The following LAMA2 variants were observed in gnomAD, a reference collection of about 807,000 sequenced individuals.
The protein encoded by LAMA2 is laminin subunit alpha 2, also known as laminin subunit alpha-2.
Under a neutral mutation model 364.8 loss-of-function variants are expected in LAMA2, and 269 were observed. That is an observed-to-expected ratio of 0.74 (90% CI 0.67 to 0.82). The LOEUF (loss-of-function observed/expected upper bound fraction) is 0.82, where lower values mean the gene tolerates loss of function less well. Ranked by LOEUF, LAMA2 falls within the 40% of genes least tolerant of loss-of-function variation. The pLI, the probability that LAMA2 is intolerant of heterozygous loss-of-function variation, is 0.00. For missense variants in LAMA2, 3,807 were observed against 3,873.2 expected, an observed-to-expected ratio of 0.98 and a Z score of 0.45; for synonymous variants, 1,379 against 1,370.6, an observed-to-expected ratio of 1.01 and a Z score of -0.14.
In LAMA2 at chr6:129,200,270, A is replaced by ATG. The variant is rs199881607; in HGVS notation, c.1782+7421_1782+7422dup. The stretch of plus-strand genomic sequence containing the variant: ...TATATATATACGTGTACACATATAC[A>ATG]TGTGTATATATATACGTGTACACAT... On this transcript the variant is annotated intron_variant, in intron 12 of 64. Transcript: ENST00000421865. Among the ~76,000 whole-genome samples, 894 of 105,198 alleles carry ATG rather than the reference A, an allele frequency of 8.5e-3. 42 individuals are homozygous for ATG. The highest frequency in any genetic ancestry group is 0.042 in the African/African-American group (669 of 15,976). The allele number at this position is 105,198 out of a possible 152,430, so 69.0% of individuals were successfully genotyped here.
At position 129,502,756 on chromosome 6, in the gene LAMA2, C is replaced by A. The variant is rs1331691994; in HGVS notation, c.8342C>A (p.Thr2781Asn). 8.7e-6 allele frequency: 14 copies of A among 1,610,594 alleles called. No individual in the cohort carries two copies. Among genetic ancestry groups the A allele is most frequent in the Non-Finnish European group, 1.2e-5 (14 of 1,176,936 alleles). ...CACATTGCAATTGCATTTGATGACA[C>A]CAAAGTTAAAAACCGGTATGTATCA... ...NSHIAIAFDD[T>N]KVKNRLTIEL... Residue 2781 changes from threonine (T) to asparagine (N), a missense_variant, in exon 59 of 65, where the codon ACC (threonine) becomes AAC (asparagine). This residue lies in a region of LAMA2 where 3,333 missense variants were observed against 3,345.7 expected (regional missense o/e 1.00). Transcript: ENST00000421865.
chr6:129,134,058 T>C (rs79727346), intron 4 of LAMA2, among the ~76,000 whole-genome samples: 6,838 of 152,294 alleles, frequency 0.045, 529 homozygotes, highest in African/African-American at 0.16. Flanking sequence ...TTTAAACAAG[T>C]GTTCCCACAC....
At chr6:129,205,405 A>G (rs1562329819) in intron 12 of LAMA2, among the ~76,000 whole-genome samples, 1 of 148,426 alleles carries the variant, frequency 6.7e-6, no homozygotes, top group South Asian at 2.1e-4. Context: ...AAAAAAAAAG[A>G]AAAAAGAAAA....
chr6:129,304,678 A>G lies in LAMA2; in HGVS notation c.3174+3806A>G, dbSNP rs367802345. 7.2e-5 allele frequency among the ~76,000 whole-genome samples: 11 copies of G among 152,262 alleles called. No homozygotes were observed. The South Asian group carries it at 2.1e-3, about 29-fold the overall frequency. On this transcript the variant is annotated intron_variant, in intron 22 of 64. Transcript: ENST00000421865. ...AGAAACTACTTTGTTTGCACTCCAC[A>G]TATTTTGATATGCTGTGTTTTAATT...
At chr6:129,038,757 A>G (rs911907328) in intron 1 of LAMA2, among the ~76,000 whole-genome samples, 3 of 152,150 alleles carry the variant, frequency 2.0e-5, no homozygotes, top group African/African-American at 7.2e-5. Context: ...CTCTATTTAC[A>G]TTTCCTTGGC....
chr6:129,316,782 T>C (rs1234321019), intron 27 of LAMA2, among the ~76,000 whole-genome samples: 1 of 152,172 alleles, frequency 6.6e-6, no homozygotes, highest in East Asian at 1.9e-4. Context: ...GAAATGAGGC[T>C]TGTTGGGTCT....
At chr6:129,335,124 T>G (rs1228117021) in intron 29 of LAMA2, among the ~76,000 whole-genome samples, 1 of 152,184 alleles carries the variant, frequency 6.6e-6, no homozygotes, top group Non-Finnish European at 1.5e-5. Flanking sequence ...CAGATCACCT[T>G]GTAACTATGC....
chr6:129,291,625 A>G lies in LAMA2; in HGVS notation c.2761A>G (p.Asn921Asp). 1 of 1,613,776 alleles carries G rather than the reference A, an allele frequency of 6.2e-7. No homozygotes were observed. Among genetic ancestry groups the G allele is most frequent in the Non-Finnish European group, 8.5e-7 (1 of 1,179,630 alleles). Reference protein sequence around the residue: ...DAKNCQPCRCNAGGSFSEVCH... With the variant: ...DAKNCQPCRCDAGGSFSEVCH... The stretch of plus-strand genomic sequence containing the variant: ...TCTTCTCTTTGCAGCCTGTCGCTGT[A>G]ATGCCGGTGGCTCTTTCTCTGAGGT... The change falls in exon 20 of 65, where the codon AAT becomes GAT. Residue 921 changes from asparagine (N) to aspartate (D), a missense_variant. Physicochemically the swap from Asn to Asp is conservative, Grantham distance 23. Transcript: ENST00000421865.
At chr6:129,308,904 A>C (rs1480700073) in intron 22 of LAMA2, among the ~76,000 whole-genome samples, 1 of 152,160 alleles carries the variant, frequency 6.6e-6, no homozygotes, top group Non-Finnish European at 1.5e-5. Context: ...TGCCGGTAGG[A>C]ACTCATGGTC....
At chr6:129,296,476 C>T (rs562621874) in intron 20 of LAMA2, among the ~76,000 whole-genome samples, 11 of 151,934 alleles carry the variant, frequency 7.2e-5, no homozygotes, top group South Asian at 2.1e-4. Flanking sequence ...TGAGAATGAT[C>T]GTCAAACTCA....
intron 14 of LAMA2, among the ~76,000 whole-genome samples, chr6:129,256,772 A>ATATATATATT (rs1786714572): frequency 8.9e-6 from 1 of 112,858 alleles, no homozygotes; most frequent in Non-Finnish European, 2.2e-5. Flanking sequence ...GCATATATAT[A>ATATATATATT]TATATATATA....
intron 1 of LAMA2, among the ~76,000 whole-genome samples, chr6:128,903,240 C>T (rs982659336): frequency 2.0e-5 from 3 of 151,912 alleles, no homozygotes; most frequent in East Asian, 2.0e-4. Context: ...ATTTCATTGA[C>T]GTAATTTTAA....
At position 128,933,465 on chromosome 6, in the gene LAMA2, A is replaced by G. The variant is rs191973552; in HGVS notation, c.112+50108A>G. Among the ~76,000 whole-genome samples, 1,270 of 152,136 alleles carry G rather than the reference A, an allele frequency of 8.3e-3. 10 individuals carry two copies. Among genetic ancestry groups the G allele is most frequent in the Non-Finnish European group, 0.013 (896 of 67,966 alleles). On this transcript the variant is annotated intron_variant, in intron 1 of 64. Transcript: ENST00000421865. Reference sequence around the variant, plus strand: ...GATTGCTGGGTCATATTGTAGTACTATTTTCATTTTTGGAAGAATCTCTAT... The same window carrying G: ...GATTGCTGGGTCATATTGTAGTACTGTTTTCATTTTTGGAAGAATCTCTAT...
intron 3 of LAMA2, among the ~76,000 whole-genome samples, chr6:129,080,804 A>T (rs1774000220): frequency 1.3e-5 from 2 of 152,212 alleles, no homozygotes; most frequent in African/African-American, 4.8e-5. Flanking sequence ...GGGACTGTAA[A>T]CTAGTTAAAC....
intron 18 of LAMA2, among the ~76,000 whole-genome samples, chr6:129,281,392 TC>T (rs1788709739): frequency 6.6e-6 from 1 of 152,184 alleles, no homozygotes; most frequent in African/African-American, 2.4e-5. Flanking sequence ...GGCTATTAAA[TC>T]CACTTATCTA....
In LAMA2 at chr6:129,049,977, T is replaced by G. The variant is rs1731993495; in HGVS notation, c.172T>G (p.Cys58Gly). Residue 58 changes from cysteine to glycine, a missense_variant, in exon 2 of 65, where the codon TGT becomes GGT. Physicochemically the swap from Cys to Gly is radical, Grantham distance 159 (BLOSUM62 -3). Around this residue, in one of 3 missense-constraint regions of LAMA2, gnomAD observed 394 missense variants for 403.5 expected, o/e 0.98. Coordinates refer to ENST00000421865, the MANE Select transcript of LAMA2 (RefSeq NM_000426.4). ...TGCTCTTATCACGACCAATGCAACA[T>G]GTGGAGAAAAAGGACCTGAAATGTA... is the stretch of plus-strand genomic sequence containing the variant. ...SNALITTNAT[C>G]GEKGPEMYCK... The G allele has an allele frequency of 1.2e-6, 2 of 1,613,868 alleles. No individual in the cohort carries two copies. Among genetic ancestry groups the G allele is most frequent in the Non-Finnish European group, 1.7e-6 (2 of 1,179,812 alleles).
chr6:128,937,862 G>A (rs1189703597), intron 1 of LAMA2, among the ~76,000 whole-genome samples: 1 of 149,474 alleles, frequency 6.7e-6, no homozygotes, highest in Non-Finnish European at 1.5e-5. Context: ...ATTTCCTTGA[G>A]GTATAAAGTT....
At chr6:128,910,017 G>C (rs1158966564) in intron 1 of LAMA2, among the ~76,000 whole-genome samples, 1 of 152,006 alleles carries the variant, frequency 6.6e-6, no homozygotes, top group African/African-American at 2.4e-5. Flanking sequence ...CTGTTAGTCT[G>C]ATGGGCTTCC....
At chr6:129,109,499 A>G (rs1776018314) in intron 4 of LAMA2, among the ~76,000 whole-genome samples, 1 of 150,724 alleles carries the variant, frequency 6.6e-6, no homozygotes, top group Non-Finnish European at 1.5e-5. Context: ...ATGCCTTAAT[A>G]CATAAATCCT....
Sources: gnomAD v4.1 joint callset for allele counts (sites outside exome capture counted in the v4.1 genomes callset) on GRCh38, gnomAD v4.1.1 for gene constraint, gnomAD v4.1.1 regional missense constraint, MANE v1.5 for transcripts, NCBI Gene and HGNC (gene_info 2026-07-23, HGNC 2026-07-21) for gene names.